Variants in PALD1 observed in about 807,000 individuals in gnomAD.
PALD1 encodes phosphatase domain containing paladin 1.
A neutral mutation model predicts 96.0 loss-of-function variants in PALD1; 57 were observed. The ratio of observed to expected loss-of-function variants is 0.59; its 90% CI spans 0.48 to 0.74. The LOEUF (loss-of-function observed/expected upper bound fraction) is 0.74, where lower values mean the gene tolerates loss of function less well. Ranked by LOEUF, PALD1 falls within the 30% of genes least tolerant of loss-of-function variation. The probability of loss-of-function intolerance (pLI) is 0.00; values close to 1 mark genes in which losing one functional copy is unlikely to be tolerated. For synonymous variants in PALD1, 464 were observed against 473.6 expected (o/e 0.98, Z 0.26); for missense variants, 1,063 against 1,143.7 (o/e 0.93, Z 1.02).
intron 17 of PALD1, among the ~76,000 whole-genome samples, chr10:70,546,467 G>A (rs1301374737): frequency 6.6e-6 from 1 of 152,102 alleles, no homozygotes; most frequent in Non-Finnish European, 1.5e-5. Flanking sequence ...TGGCTCTCCT[G>A]TGAGAACTGT....
chr10:70,491,635 T>A (rs530598072), intron 1 of PALD1, among the ~76,000 whole-genome samples: 1 of 152,190 alleles, frequency 6.6e-6, no homozygotes, highest in Non-Finnish European at 1.5e-5. Flanking sequence ...AAGTGTACAG[T>A]TCAGTGACAG....
intron 1 of PALD1, among the ~76,000 whole-genome samples, chr10:70,483,242 C>T (rs1845964431): frequency 6.6e-6 from 1 of 152,122 alleles, no homozygotes; most frequent in Non-Finnish European, 1.5e-5. Flanking sequence ...GCAGAAAGAG[C>T]AGCGTGGCAG....
chr10:70,509,468 C>T (rs1846469585), intron 1 of PALD1, among the ~76,000 whole-genome samples: 1 of 152,224 alleles, frequency 6.6e-6, no homozygotes, highest in Non-Finnish European at 1.5e-5. Flanking sequence ...GGGCTGAATC[C>T]TGTTAGTAGG....
intron 1 of PALD1, among the ~76,000 whole-genome samples, chr10:70,507,000 T>C (rs186967448): frequency 6.6e-6 from 1 of 152,290 alleles, no homozygotes; most frequent in Admixed American, 6.5e-5. Context: ...GGACCTGGAC[T>C]AAAACCCCAT....
chr10:70,559,676 G>A (rs1847696339), intron 18 of PALD1, among the ~76,000 whole-genome samples: 1 of 152,148 alleles, frequency 6.6e-6, no homozygotes, highest in Non-Finnish European at 1.5e-5. Context: ...AAGTGAAGGA[G>A]GAGTCCCGGG....
chr10:70,478,752 T>C (rs1262310891), upstream of PALD1: 1 of 151,382 alleles, frequency 6.6e-6, no homozygotes, highest in African/African-American at 2.4e-5. Context: ...GGCGGCCGGG[T>C]CGGGTCCGCC....
chr10:70,554,207 T>A (rs1847542871), intron 18 of PALD1, among the ~76,000 whole-genome samples: 1 of 152,178 alleles, frequency 6.6e-6, no homozygotes, highest in Non-Finnish European at 1.5e-5. Context: ...GGTGGGAGGA[T>A]CACCTGAGGT....
At chr10:70,529,078 A>C in intron 2 of PALD1, 151 bp from the exon 3 acceptor site, 6 of 582,942 alleles carry the variant, frequency 1.0e-5, no homozygotes, top group Non-Finnish European at 1.6e-5. Context: ...GGAAGAAGGG[A>C]AGAGTGGATA....
intron 1 of PALD1, among the ~76,000 whole-genome samples, chr10:70,485,155 CTTA>C (rs1415898243): frequency 1.4e-5 from 2 of 141,172 alleles, no homozygotes; most frequent in East Asian, 2.1e-4. Context: ...GCAATGTTAT[CTTA>C]TTATTAAAGT....
the PALD1 span, among the ~76,000 whole-genome samples, chr10:70,469,870 T>C: frequency 3.3e-5 from 5 of 152,254 alleles, no homozygotes; most frequent in Admixed American, 2.0e-4. Flanking sequence ...CTCGGCTCGC[T>C]GCAACCTCTG....
chr10:70,537,845 C>A lies in PALD1; in HGVS notation c.1262C>A (p.Ala421Glu). 1 of 1,613,710 alleles carries A rather than the reference C, an allele frequency of 6.2e-7. No homozygotes were observed. Among genetic ancestry groups the A allele is most frequent in the Non-Finnish European group, 8.5e-7 (1 of 1,179,728 alleles). ...SGSRHSVWQR[A>E]LWSLERYFYL... ...AGCCGACACAGCGTCTGGCAGAGGGCGCTGTGGAGCCTGGAGCGATACTTC... is the reference window on the plus strand; with the variant it reads ...AGCCGACACAGCGTCTGGCAGAGGGAGCTGTGGAGCCTGGAGCGATACTTC... The change falls in exon 11 of 20, where the codon GCG becomes GAG. Residue 421 changes from alanine to glutamate, a missense_variant. By Grantham distance (107) the Ala-to-Glu change is moderately radical (BLOSUM62 -1). Transcript: ENST00000263563.
At chr10:70,510,049 C>T (rs757646554) in intron 1 of PALD1, among the ~76,000 whole-genome samples, 19 of 152,038 alleles carry the variant, frequency 1.2e-4, no homozygotes, top group Admixed American at 2.6e-4. Flanking sequence ...CACTACGGGG[C>T]AGCTGGGATC....
chr10:70,550,469 A>T (rs1054894632), intron 18 of PALD1, among the ~76,000 whole-genome samples: 1 of 152,214 alleles, frequency 6.6e-6, no homozygotes, highest in Non-Finnish European at 1.5e-5. Context: ...GGGGATGTAT[A>T]CAATTCACGA....
chr10:70,540,107 T>C lies in PALD1; in HGVS notation c.1908+345T>C, dbSNP rs1349527119. On this transcript the variant is annotated intron_variant, in intron 15 of 19. Transcript: ENST00000263563. This position sits in a 1 kb window ranked among gnomAD's most constrained non-coding sequence, Gnocchi z 4.2. ...GGGTGTATGTGTGTGTATTGTGTTA[T>C]GGGTGTGTGTTATAGGTGTGTGTGT... 1.3e-5 allele frequency among the ~76,000 whole-genome samples: 2 copies of C among 151,898 alleles called. No homozygotes were observed. Among genetic ancestry groups the C allele is most frequent in the Non-Finnish European group, 2.9e-5 (2 of 67,936 alleles).
At chr10:70,524,286 C>A (rs1846806953) in intron 1 of PALD1, among the ~76,000 whole-genome samples, 1 of 152,168 alleles carries the variant, frequency 6.6e-6, no homozygotes. Context: ...GTATGTGGGG[C>A]CAGTGGCCAC....
chr10:70,553,058 T>TG (rs545810235), intron 18 of PALD1, among the ~76,000 whole-genome samples: 1 of 152,196 alleles, frequency 6.6e-6, no homozygotes, highest in East Asian at 1.9e-4. Context: ...GAATGGTTAC[T>TG]GGGGGTGCCG....
intron 10 of PALD1, among the ~76,000 whole-genome samples, chr10:70,536,441 C>A (rs994852984): frequency 1.3e-5 from 2 of 152,210 alleles, no homozygotes; most frequent in Non-Finnish European, 2.9e-5. Flanking sequence ...TGCTCCAGTT[C>A]CCCATCAGTG....
At chr10:70,467,491 T>G in the PALD1 span, among the ~76,000 whole-genome samples, 1 of 151,846 alleles carries the variant, frequency 6.6e-6, no homozygotes, top group East Asian at 1.9e-4. Context: ...CGGGTTCATG[T>G]GTGGAGAAGG....
chr10:70,546,159 C>T (rs1847358076), intron 17 of PALD1, among the ~76,000 whole-genome samples: 1 of 151,954 alleles, frequency 6.6e-6, no homozygotes, highest in Non-Finnish European at 1.5e-5. Flanking sequence ...ATTTCTTGAA[C>T]CTAAGAGGCA....
Sources: gnomAD v4.1 joint callset for allele counts (sites outside exome capture counted in the v4.1 genomes callset) on GRCh38, gnomAD v4.1.1 for gene constraint, Gnocchi (gnomAD v3.1) non-coding constraint, MANE v1.5 for transcripts, NCBI Gene and HGNC (gene_info 2026-07-23, HGNC 2026-07-21) for gene names.